Variants in IGF1R observed in about 807,000 individuals in gnomAD.
IGF1R encodes the protein insulin-like growth factor 1 receptor.
IGF1R carries 44 observed loss-of-function variants against 144.6 expected under a neutral mutation model. The observed-to-expected ratio is 0.30, with a 90% CI of 0.24 to 0.39. IGF1R has a LOEUF of 0.39. Ranked by LOEUF, IGF1R falls within the 10% of genes least tolerant of loss-of-function variation. The pLI, the probability that IGF1R is intolerant of heterozygous loss-of-function variation, is 1.00. For missense variants in IGF1R, 1,355 were observed against 1,833.7 expected, an observed-to-expected ratio of 0.74 and a Z score of 4.77; for synonymous variants, 795 against 722.8, an observed-to-expected ratio of 1.10 and a Z score of -1.60.
chr15:98,953,907 C>T (rs2016875907), intron 20 of IGF1R, among the ~76,000 whole-genome samples: 1 of 152,128 alleles, frequency 6.6e-6, no homozygotes, highest in South Asian at 2.1e-4. Context: ...CTCAGTTAGC[C>T]CCAGTAAGCT....
intron 2 of IGF1R, among the ~76,000 whole-genome samples, chr15:98,728,169 G>T (rs1038613206): frequency 6.6e-6 from 1 of 152,002 alleles, no homozygotes; most frequent in Non-Finnish European, 1.5e-5. Flanking sequence ...GAGCTTTCCT[G>T]GATCTGTAAA....
chr15:98,688,796 A>AT (rs899099472), intron 1 of IGF1R, among the ~76,000 whole-genome samples: 38 of 151,878 alleles, frequency 2.5e-4, no homozygotes, highest in African/African-American at 8.4e-4. Context: ...TTGTAAGTGT[A>AT]TTTTTTTTGG....
Position 98,878,857 on chromosome 15 carries a change from G to C in IGF1R, c.641-12468G>C, listed in dbSNP as rs562277494. Among the ~76,000 whole-genome samples the C allele has an allele frequency of 2.6e-3, 394 of 152,074 alleles. 4 individuals are homozygous for C. The highest frequency in any genetic ancestry group is 7.1e-3 in the African/African-American group (293 of 41,476). On this transcript the variant is annotated intron_variant, in intron 2 of 20. Coordinates refer to ENST00000650285, the MANE Select transcript of IGF1R (RefSeq NM_000875.5). ...TAAAAATACAAAAAATTAGCTGGGC[G>C]TGGTGGTGGGCGCCTATAATCCCAG...
chr15:98,651,062 G>C, intron 1 of IGF1R: 1 of 985,422 alleles, frequency 1.0e-6, no homozygotes, highest in Non-Finnish European at 1.2e-6. Context: ...ACTGGGACTG[G>C]GAACGGTGAG....
intron 2 of IGF1R, among the ~76,000 whole-genome samples, chr15:98,859,273 A>G (rs2012012603): frequency 6.6e-6 from 1 of 152,230 alleles, no homozygotes; most frequent in Non-Finnish European, 1.5e-5. Flanking sequence ...CCGATGAGGT[A>G]GATTCTACCA....
At chr15:98,853,795 G>A (rs920556776) in intron 2 of IGF1R, among the ~76,000 whole-genome samples, 5 of 152,234 alleles carry the variant, frequency 3.3e-5, no homozygotes, top group African/African-American at 9.6e-5. Context: ...CAGTGATGGG[G>A]CACTTGGGGA....
rs1229520745 is a variant in IGF1R, at chr15:98,924,589, T to C, written c.2687T>C (p.Leu896Pro). Residue 896 changes from leucine (L) to proline (P), a missense_variant, in exon 13 of 21, where the codon CTA (leucine) becomes CCA (proline). Leu to Pro is a moderately conservative substitution (Grantham distance 98, BLOSUM62 -3). Around this residue, in one of 7 missense-constraint regions of IGF1R, gnomAD observed 880 missense variants for 1,202.7 expected, o/e 0.73. Transcript: ENST00000650285. The part of the protein sequence containing the change: ...RKYGGAKLNR[L>P]NPGNYTARIQ... ...TATGGAGGGGCCAAGCTAAACCGGC[T>C]AAACCCGGGGAACTACACAGCCCGG... The C allele has an allele frequency of 6.2e-7, 1 of 1,613,998 alleles. No individual in the cohort carries two copies. The highest frequency in any genetic ancestry group is 1.3e-5 in the African/African-American group (1 of 74,904).
At chr15:98,889,280 A>G (rs865984045) in intron 2 of IGF1R, among the ~76,000 whole-genome samples, 1 of 152,200 alleles carries the variant, frequency 6.6e-6, no homozygotes, top group Non-Finnish European at 1.5e-5. Flanking sequence ...TTCAGAGGTG[A>G]CGCTATTCAT....
intron 1 of IGF1R, among the ~76,000 whole-genome samples, chr15:98,676,714 A>G (rs975483068): frequency 2.0e-5 from 3 of 152,194 alleles, no homozygotes; most frequent in African/African-American, 7.2e-5. Context: ...TTTGGGAGAA[A>G]ACATTTCCAG....
At chr15:98,719,394 A>C (rs1407360795) in intron 2 of IGF1R, among the ~76,000 whole-genome samples, 2 of 152,148 alleles carry the variant, frequency 1.3e-5, no homozygotes, top group Non-Finnish European at 2.9e-5. Flanking sequence ...TATGAATGGA[A>C]TTCTGAGAAT....
intron 1 of IGF1R, among the ~76,000 whole-genome samples, chr15:98,682,718 T>G (rs2053223616): frequency 1.3e-5 from 2 of 152,126 alleles, no homozygotes; most frequent in South Asian, 4.2e-4. Context: ...TGGCTAATTT[T>G]TATATTTTTA....
At chr15:98,936,057 C>T (rs2016134916) in intron 17 of IGF1R, among the ~76,000 whole-genome samples, 2 of 152,190 alleles carry the variant, frequency 1.3e-5, no homozygotes, top group South Asian at 4.1e-4. Flanking sequence ...GCAAGATGTG[C>T]ACTCATTCAT....
intron 2 of IGF1R, among the ~76,000 whole-genome samples, chr15:98,836,961 T>A (rs1173388596): frequency 6.6e-6 from 1 of 152,244 alleles, no homozygotes; most frequent in African/African-American, 2.4e-5. Flanking sequence ...TCTCTTAGCC[T>A]TGAACACTTG....
At chr15:98,868,233 G>C (rs546174474) in intron 2 of IGF1R, among the ~76,000 whole-genome samples, 6 of 150,064 alleles carry the variant, frequency 4.0e-5, no homozygotes, top group African/African-American at 1.5e-4. Context: ...TGTAGTCCCA[G>C]ATACTTGGGA....
intron 2 of IGF1R, among the ~76,000 whole-genome samples, chr15:98,723,182 C>A (rs758784757): frequency 1.3e-5 from 2 of 152,046 alleles, no homozygotes; most frequent in Non-Finnish European, 2.9e-5. Flanking sequence ...CACGCTCCCC[C>A]ACCCCAACTT....
At chr15:98,916,541 C>A in intron 9 of IGF1R, 131 bp from the exon 10 acceptor site, 2 of 868,180 alleles carry the variant, frequency 2.3e-6, no homozygotes, top group Non-Finnish European at 1.9e-6. Context: ...GGATTATAGC[C>A]TTGAGCCACC....
chr15:98,784,285 G>C (rs1037699979), intron 2 of IGF1R: 2 of 152,238 alleles, frequency 1.3e-5, no homozygotes, highest in Non-Finnish European at 2.9e-5. Flanking sequence ...TCTGGATTAT[G>C]GTGCTGCAAG....
chr15:98,721,207 T>C (rs148543591), intron 2 of IGF1R, among the ~76,000 whole-genome samples: 1 of 152,332 alleles, frequency 6.6e-6, no homozygotes, highest in Non-Finnish European at 1.5e-5. Context: ...GGACTCTTGC[T>C]TCCAGGTTGC....
chr15:98,885,961 C>T (rs1328061591), intron 2 of IGF1R, among the ~76,000 whole-genome samples: 1 of 152,026 alleles, frequency 6.6e-6, no homozygotes, highest in African/African-American at 2.4e-5. Flanking sequence ...GGATCACAGG[C>T]ACGTGCCACC....
Sources: gnomAD v4.1 joint callset for allele counts (sites outside exome capture counted in the v4.1 genomes callset) on GRCh38, gnomAD v4.1.1 for gene constraint, gnomAD v4.1.1 regional missense constraint, MANE v1.5 for transcripts, NCBI Gene and HGNC (gene_info 2026-07-23, HGNC 2026-07-21) for gene names.